KIAA1217: variants seen among roughly 807,000 people sequenced by gnomAD.
KIAA1217 encodes the protein KIAA1217, also known as sickle tail protein homolog.
KIAA1217 carries 88 observed loss-of-function variants against 163.9 expected under a neutral mutation model. That is an observed-to-expected ratio of 0.54 (90% CI 0.45 to 0.64). The LOEUF (loss-of-function observed/expected upper bound fraction) is 0.64. Ranked by LOEUF, KIAA1217 falls within the 30% of genes least tolerant of loss-of-function variation. The pLI is 0.00. For synonymous variants in KIAA1217, 903 were observed against 923.1 expected (o/e 0.98, Z 0.39); for missense variants, 2,372 against 2,475.0 (o/e 0.96, Z 0.88).
rs191231371 is a variant in KIAA1217 at position 24,188,146 on chromosome 10, G to A, written c.-170-31480G>A. Among the ~76,000 whole-genome samples, 220 of 152,168 alleles carry A rather than the reference G, an allele frequency of 1.4e-3. 1 individual carries two copies. Among genetic ancestry groups the A allele is most frequent in the Non-Finnish European group, 2.7e-3 (183 of 68,006 alleles). ...TGGGAGGCAGAGTTTGCAGTGAGCC[G>A]AGAACCCACCACTGCACTCCAGCCC... On this transcript the variant is annotated intron_variant, in intron 2 of 18. Transcript: ENST00000376462.
intron 1 of KIAA1217, among the ~76,000 whole-genome samples, chr10:23,785,995 T>G (rs6482349): frequency 0.22 from 33,241 of 151,916 alleles, 3,819 homozygotes; most frequent in Middle Eastern, 0.28. Context: ...TAAAAATAAA[T>G]CAGACATAAA....
intron 1 of KIAA1217, among the ~76,000 whole-genome samples, chr10:23,707,878 A>G (rs1473280050): frequency 6.6e-6 from 1 of 152,144 alleles, no homozygotes; most frequent in Non-Finnish European, 1.5e-5. Context: ...TGAGACTCAA[A>G]GTGGAGGCAA....
chr10:24,244,584 G>C (rs76733246), intron 2 of KIAA1217, among the ~76,000 whole-genome samples: 1 of 50,812 alleles, frequency 2.0e-5, no homozygotes, highest in South Asian at 6.9e-4. Flanking sequence ...TTTTTTTTTT[G>C]AGACATGTCT....
At position 23,789,988 on chromosome 10, in the gene KIAA1217, TACATATACACATATGCACATAC is replaced by T. The variant is rs1835678403; in HGVS notation, c.-321+94772_-321+94793del. On this transcript the variant is annotated intron_variant, in intron 1 of 18. Coordinates refer to the KIAA1217 transcript ENST00000376462. ...ATATACATATACATATATACACATA[TACATATACACATATGCACATAC>T]ACATATACACATATGCATATACACA... 2.1e-5 allele frequency among the ~76,000 whole-genome samples: 2 copies of T among 95,276 alleles called. 1 individual carries two copies. Among genetic ancestry groups the T allele is most frequent in the Non-Finnish European group, 4.2e-5 (2 of 47,644 alleles). The allele number at this position is 95,276 out of a possible 152,430, so 62.5% of individuals were successfully genotyped here.
intron 1 of KIAA1217, among the ~76,000 whole-genome samples, chr10:23,714,460 C>T (rs754531466): frequency 9.2e-5 from 14 of 152,146 alleles, no homozygotes; most frequent in African/African-American, 2.2e-4. Context: ...GCAGCCAGGG[C>T]GACACTAAGA....
intron 1 of KIAA1217, among the ~76,000 whole-genome samples, chr10:24,215,777 G>C (rs2068738098): frequency 6.6e-6 from 1 of 152,220 alleles, no homozygotes; most frequent in Admixed American, 6.5e-5. Flanking sequence ...TGTGTGGAAA[G>C]TGGCGTTAGG....
Position 24,082,592 on chromosome 10 carries a change from T to C in KIAA1217, c.-171+75218T>C, listed in dbSNP as rs376350399. ...ACATGCTCTTTTTCCTTTTTATAGCTGCGTAGTATTCTATGGTGTATATGT... is the reference window on the plus strand; with the variant it reads ...ACATGCTCTTTTTCCTTTTTATAGCCGCGTAGTATTCTATGGTGTATATGT... On this transcript the variant is annotated intron_variant, in intron 2 of 18. Transcript: ENST00000376462. Among the ~76,000 whole-genome samples the C allele has an allele frequency of 9.5e-4, 144 of 152,326 alleles. 1 individual carries two copies. The highest frequency in any genetic ancestry group is 3.4e-3 in the African/African-American group (140 of 41,566).
intron 1 of KIAA1217, among the ~76,000 whole-genome samples, chr10:23,868,278 C>T (rs574999346): frequency 6.6e-5 from 10 of 152,046 alleles, no homozygotes; most frequent in South Asian, 2.1e-4. Context: ...CCCAGATGTA[C>T]GGTTACTCAG....
intron 6 of KIAA1217, among the ~76,000 whole-genome samples, chr10:24,478,825 A>G (rs1277158306): frequency 1.3e-5 from 2 of 152,198 alleles, no homozygotes; most frequent in African/African-American, 4.8e-5. Flanking sequence ...GCTATTTTCT[A>G]TTTGTAGTTT....
At chr10:24,076,361 G>A (rs2061368587) in intron 2 of KIAA1217, among the ~76,000 whole-genome samples, 1 of 152,222 alleles carries the variant, frequency 6.6e-6, no homozygotes, top group African/African-American at 2.4e-5. Context: ...GGCTTTTTTG[G>A]GATATAAGCA....
chr10:24,309,470 C>T (rs1393887234), intron 2 of KIAA1217, among the ~76,000 whole-genome samples: 11 of 152,170 alleles, frequency 7.2e-5, no homozygotes, highest in African/African-American at 2.7e-4. Context: ...TAAAGACCTG[C>T]AATGAAGTGA....
chr10:24,348,912 C>T (rs1418102953), intron 2 of KIAA1217, among the ~76,000 whole-genome samples: 1 of 152,010 alleles, frequency 6.6e-6, no homozygotes, highest in African/African-American at 2.4e-5. Flanking sequence ...TTTGGGAAGC[C>T]AAGGTAGGAA....
At chr10:24,540,072 C>T (rs1234274714) in intron 17 of KIAA1217, among the ~76,000 whole-genome samples, 4 of 152,184 alleles carry the variant, frequency 2.6e-5, no homozygotes, top group Middle Eastern at 3.2e-3. Context: ...CAAGCTCCTG[C>T]ACTTGCTTTG....
At chr10:24,149,482 C>A (rs901415683) in intron 2 of KIAA1217, among the ~76,000 whole-genome samples, 1 of 151,264 alleles carries the variant, frequency 6.6e-6, no homozygotes, top group Non-Finnish European at 1.5e-5. Flanking sequence ...CCATGCCTGG[C>A]CCTATTTTTT....
chr10:24,188,823 C>T (rs185227821), intron 2 of KIAA1217, among the ~76,000 whole-genome samples: 4 of 152,214 alleles, frequency 2.6e-5, no homozygotes, highest in Non-Finnish European at 4.4e-5. Context: ...TCATATTCCT[C>T]GGCCGGGTGC....
chr10:23,966,922 TAG>T (rs1845087918), intron 1 of KIAA1217, among the ~76,000 whole-genome samples: 1 of 152,220 alleles, frequency 6.6e-6, no homozygotes, highest in Non-Finnish European at 1.5e-5. Flanking sequence ...TCAAAAAGTA[TAG>T]AGTCTTTGGT....
intron 7 of KIAA1217, chr10:24,494,863 A>G (rs944160595): frequency 1.4e-5 from 8 of 576,720 alleles, no homozygotes; most frequent in Non-Finnish European, 2.4e-5. Context: ...ATGTGGCTTC[A>G]TGGACCACTC....
chr10:23,835,239 C>A (rs572182595), intron 1 of KIAA1217, among the ~76,000 whole-genome samples: 37 of 151,980 alleles, frequency 2.4e-4, no homozygotes, highest in Non-Finnish European at 4.7e-4. Flanking sequence ...ATTCAGGAAC[C>A]CAAGTGAAGA....
chr10:24,442,101 A>G (rs889604976), intron 5 of KIAA1217, among the ~76,000 whole-genome samples: 3 of 152,112 alleles, frequency 2.0e-5, no homozygotes, highest in African/African-American at 7.2e-5. Flanking sequence ...ACTTGTATAT[A>G]GACAATTACC....
Sources: gnomAD v4.1 joint callset for allele counts (sites outside exome capture counted in the v4.1 genomes callset) on GRCh38, gnomAD v4.1.1 for gene constraint, MANE v1.5 for transcripts, NCBI Gene and HGNC (gene_info 2026-07-23, HGNC 2026-07-21) for gene names.